ASAP2: variants seen among roughly 807,000 people sequenced by gnomAD.
The protein encoded by ASAP2 is ArfGAP with SH3 domain, ankyrin repeat and PH domain 2, also known as arf-GAP with SH3 domain, ANK repeat and PH domain-containing protein 2.
A neutral mutation model predicts 131.4 loss-of-function variants in ASAP2; 45 were observed. That is an observed-to-expected ratio of 0.34 (90% confidence interval 0.27 to 0.44). The LOEUF (loss-of-function observed/expected upper bound fraction) is 0.44. Among genes scored for constraint, ASAP2 ranks in the 20% least tolerant of loss-of-function variants. The pLI is 1.00. For missense variants in ASAP2, 1,011 were observed against 1,297.0 expected (o/e 0.78, Z 3.39); for synonymous variants, 510 against 503.0 (o/e 1.01, Z -0.19).
intron 1 of ASAP2, among the ~76,000 whole-genome samples, chr2:9,267,744 A>T (rs1666037763): frequency 6.6e-6 from 1 of 151,974 alleles, no homozygotes; most frequent in Non-Finnish European, 1.5e-5. Context: ...CTAAAAATAC[A>T]GAAATTAGCT....
At chr2:9,265,374 A>G (rs1218378641) in intron 1 of ASAP2, among the ~76,000 whole-genome samples, 5 of 152,230 alleles carry the variant, frequency 3.3e-5, no homozygotes, top group Non-Finnish European at 7.3e-5. Context: ...GAGGGACTAC[A>G]GTTTTGAGTA....
chr2:9,249,176 C>G (rs1211523763), intron 1 of ASAP2, among the ~76,000 whole-genome samples: 1 of 152,178 alleles, frequency 6.6e-6, no homozygotes, highest in East Asian at 1.9e-4. Context: ...TCCTTAGCTC[C>G]AGTTTCTTTC....
intron 1 of ASAP2, among the ~76,000 whole-genome samples, chr2:9,273,296 T>C (rs1444736841): frequency 6.6e-6 from 1 of 152,220 alleles, no homozygotes. Context: ...TTAATTTTAT[T>C]TGTAGCTATT....
chr2:9,308,227 G>C (rs372243884), intron 3 of ASAP2, among the ~76,000 whole-genome samples: 7 of 152,322 alleles, frequency 4.6e-5, no homozygotes, highest in African/African-American at 1.7e-4. Flanking sequence ...GGCTTCTGGG[G>C]AGGCCTCAGG....
At chr2:9,360,022 G>A (rs975351004) in intron 15 of ASAP2, among the ~76,000 whole-genome samples, 17 of 152,324 alleles carry the variant, frequency 1.1e-4, no homozygotes, top group Admixed American at 3.3e-4. Flanking sequence ...CTACAGCTTA[G>A]AGAGGTGCAC....
In ASAP2 at chr2:9,388,515, C is replaced by A; in HGVS notation, c.2352C>A (p.Ala784=). 1 of 1,613,416 alleles carries A rather than the reference C, an allele frequency of 6.2e-7. No homozygotes were observed. Among genetic ancestry groups the A allele is most frequent in the Non-Finnish European group, 8.5e-7 (1 of 1,179,768 alleles). The change falls in exon 22 of 28, where the codon GCC becomes GCA. Residue 784 remains alanine (A), a synonymous_variant. Coordinates refer to ENST00000281419, the MANE Select transcript of ASAP2 (RefSeq NM_003887.3). ...CTGCAGCCCCCAGCACCACCAGCGC[C>A]CCCCCGCTTCCTCCACGGAATGTTG... is the stretch of plus-strand genomic sequence containing the variant. ...AQPAAPSTTS[A]PPLPPRNVGK...
At chr2:9,368,230 G>C (rs1211746217) in intron 15 of ASAP2, among the ~76,000 whole-genome samples, 195 bp from the exon 16 acceptor site, 3 of 152,178 alleles carry the variant, frequency 2.0e-5, no homozygotes, top group African/African-American at 7.2e-5. Flanking sequence ...CTCTGTAATA[G>C]GCATGCCGCT....
intron 3 of ASAP2, among the ~76,000 whole-genome samples, chr2:9,300,968 C>A (rs900308247): frequency 6.6e-6 from 1 of 152,334 alleles, no homozygotes; most frequent in African/African-American, 2.4e-5. Flanking sequence ...TCCAGGCCAG[C>A]GCCGGTGTGG....
intron 15 of ASAP2, among the ~76,000 whole-genome samples, chr2:9,361,439 G>A (rs1673070972): frequency 1.3e-5 from 2 of 152,132 alleles, no homozygotes; most frequent in Non-Finnish European, 2.9e-5. Context: ...TTATTCCTTA[G>A]CCCTTCAGTT....
intron 1 of ASAP2, among the ~76,000 whole-genome samples, chr2:9,214,088 C>T (rs537624075): frequency 2.0e-4 from 30 of 152,252 alleles, no homozygotes; most frequent in African/African-American, 7.0e-4. Context: ...ATCCCCATTT[C>T]AGCTCCCCAA....
chr2:9,398,922 T>C (rs1011894569), intron 24 of ASAP2: 2 of 152,056 alleles, frequency 1.3e-5, no homozygotes, highest in African/African-American at 2.4e-5. Context: ...GAGTGTTCTG[T>C]AGTTAGGGAT....
chr2:9,218,757 C>T (rs1662223722), intron 1 of ASAP2, among the ~76,000 whole-genome samples: 1 of 152,234 alleles, frequency 6.6e-6, no homozygotes, highest in Non-Finnish European at 1.5e-5. Flanking sequence ...CTGCTGCTGT[C>T]TGCAACACTT....
intron 9 of ASAP2, among the ~76,000 whole-genome samples, chr2:9,342,767 T>C (rs1671674219): frequency 1.3e-5 from 2 of 152,208 alleles, no homozygotes; most frequent in Admixed American, 6.5e-5. Flanking sequence ...CTCCAGCCCG[T>C]CTTGTCCACC....
Position 9,392,945 on chromosome 2 carries a change from C to G in ASAP2, c.2519-537C>G, listed in dbSNP as rs892439520. ...TCTTCCCCTCCGTGGGCCTCAGCCT[C>G]CTTGTCTGTAAAACGTAGACACTAA... is the stretch of plus-strand genomic sequence containing the variant. On this transcript the variant is annotated intron_variant, in intron 23 of 27. Coordinates refer to ENST00000281419, the MANE Select transcript of ASAP2 (RefSeq NM_003887.3). This position sits in a 1 kb window ranked among gnomAD's most constrained non-coding sequence, Gnocchi z 4.0. 6.6e-6 allele frequency among the ~76,000 whole-genome samples: 1 copy of G among 152,208 alleles called. No homozygotes were observed. Among genetic ancestry groups the G allele is most frequent in the African/African-American group, 2.4e-5 (1 of 41,456 alleles).
chr2:9,317,131 A>ACG (rs1491403771), intron 3 of ASAP2, among the ~76,000 whole-genome samples: 1 of 5,160 alleles, frequency 1.9e-4, no homozygotes, highest in African/African-American at 3.4e-4. Context: ...CAACCACACA[A>ACG]CACACATCCC....
In ASAP2 at chr2:9,404,737, G is replaced by GT. The variant is rs59423766; in HGVS notation, c.*1424dup. The stretch of plus-strand genomic sequence containing the variant: ...TCTTTATTATGCAAGACTGTGTAGA[G>GT]TTTTTTTTTTTTTTGGCATTGTACT... On this transcript the variant is annotated 3_prime_UTR_variant, in exon 28 of 28. Coordinates refer to ENST00000281419, the MANE Select transcript of ASAP2 (RefSeq NM_003887.3). The GT allele has an allele frequency of 3.3e-3, 474 of 143,654 alleles. 1 individual carries two copies. Among genetic ancestry groups the GT allele is most frequent in the Middle Eastern group, 0.011 (3 of 284 alleles). 8.9% of individuals were successfully genotyped at this position (143,654 alleles called of 1,614,324 possible).
intron 5 of ASAP2, among the ~76,000 whole-genome samples, chr2:9,322,432 T>A (rs899055895): frequency 6.6e-6 from 1 of 152,210 alleles, no homozygotes. Flanking sequence ...TTTCTGTTTT[T>A]TGAGTGCTTT....
chr2:9,286,938 G>A (rs568981893), intron 2 of ASAP2, among the ~76,000 whole-genome samples: 2 of 152,284 alleles, frequency 1.3e-5, no homozygotes, highest in South Asian at 4.1e-4. Context: ...ATACTCATGA[G>A]GTATTTGTTA....
intron 15 of ASAP2, among the ~76,000 whole-genome samples, 158 bp from the exon 16 acceptor site, chr2:9,368,267 T>G (rs1037835614): frequency 6.6e-6 from 1 of 152,220 alleles, no homozygotes; most frequent in Non-Finnish European, 1.5e-5. Flanking sequence ...ATGGGTACCT[T>G]TGGGCTTTGG....
Sources: allele counts gnomAD v4.1 joint callset (sites outside exome capture counted in the v4.1 genomes callset), GRCh38; gene constraint gnomAD v4.1.1; non-coding constraint Gnocchi (gnomAD v3.1); transcripts MANE v1.5; gene names NCBI Gene and HGNC (gene_info 2026-07-23, HGNC 2026-07-21).